CHRNA4: variants seen among roughly 807,000 people sequenced by gnomAD.
CHRNA4 encodes the protein neuronal acetylcholine receptor subunit alpha-4.
A neutral mutation model predicts 48.9 loss-of-function variants in CHRNA4; 28 were observed. The ratio of observed to expected loss-of-function variants is 0.57; its 90% CI spans 0.42 to 0.79. The LOEUF is 0.79. Among genes scored for constraint, CHRNA4 ranks in the 30% least tolerant of loss-of-function variants. CHRNA4 has a pLI of 0.00. For synonymous variants in CHRNA4, 425 were observed against 402.3 expected (o/e 1.06, Z -0.68); for missense variants, 859 against 898.4 (o/e 0.96, Z 0.56).
At chr20:63,348,920 C>T (rs973194125) in intron 5 of CHRNA4, among the ~76,000 whole-genome samples, 1 of 152,230 alleles carries the variant, frequency 6.6e-6, no homozygotes, top group Admixed American at 6.5e-5. Context: ...ACTGCACAGC[C>T]ACGGGTAACA....
chr20:63,347,040 G>A (rs569285028), intron 5 of CHRNA4, 177 bp from the exon 6 acceptor site: 30 of 855,204 alleles, frequency 3.5e-5, no homozygotes, highest in African/African-American at 1.8e-4. Context: ...TGGGGTGCAC[G>A]GGACAGCCAG....
intron 2 of CHRNA4, among the ~76,000 whole-genome samples, chr20:63,358,958 G>A (rs1220006354): frequency 6.6e-6 from 1 of 152,206 alleles, no homozygotes; most frequent in Admixed American, 6.5e-5. Context: ...CTGCCTTGGG[G>A]CTCCATGTGC....
Position 63,345,218 on chromosome 20 carries a change from A to C in CHRNA4, c.*1520T>G, listed in dbSNP as rs2068472348. ...GGAGAGCTCGGCTCGGGGACAGAGG[A>C]ATGAGACTCAGTGGGACGCAGAGCC... On this transcript the variant is annotated 3_prime_UTR_variant, in exon 6 of 6. Coordinates refer to ENST00000370263, the MANE Select transcript of CHRNA4 (RefSeq NM_000744.7). This position sits in a 1 kb window ranked among gnomAD's most constrained non-coding sequence, Gnocchi z 5.4. 4.5e-6 allele frequency: 2 copies of C among 445,928 alleles called. No homozygotes were observed. The highest frequency in any genetic ancestry group is 2.0e-5 in the African/African-American group (1 of 49,822). The allele number at this position is 445,928 out of a possible 1,614,324, so 27.6% of individuals were successfully genotyped here.
In CHRNA4 at chr20:63,343,670, A is replaced by G. The variant is rs1221021135; in HGVS notation, c.*3068T>C. ...GCACCCAGGCCGGTCCGGAGGCAGA[A>G]GGGGCTGGGAAGCCCTGGCCAGGGC... On this transcript the variant is annotated 3_prime_UTR_variant, in exon 6 of 6. Transcript: ENST00000370263. The G allele has an allele frequency of 2.2e-6, 1 of 447,286 alleles. No individual in the cohort carries two copies. The highest frequency in any genetic ancestry group is 4.5e-6 in the Non-Finnish European group (1 of 222,282). The allele number at this position is 447,286 out of a possible 1,614,324, so 27.7% of individuals were successfully genotyped here.
chr20:63,350,041 G>T lies in CHRNA4; in HGVS notation c.1370C>A (p.Ala457Glu). ...GGACCTGGCTTTGGCCAGCCCTGGT[G>T]CCTGGGTGCCGTGGGGCGGGCGGCA... The part of the protein sequence containing the change: ...GPCRPPHGTQ[A>E]PGLAKARSLS... Residue 457 changes from alanine to glutamate, a missense_variant, in exon 5 of 6, where the codon GCA becomes GAA. Coordinates refer to ENST00000370263, the MANE Select transcript of CHRNA4 (RefSeq NM_000744.7). 1 of 1,516,008 alleles carries T rather than the reference G, an allele frequency of 6.6e-7. No individual in the cohort carries two copies. Among genetic ancestry groups the T allele is most frequent in the East Asian group, 2.4e-5 (1 of 42,434 alleles). 93.9% of individuals were successfully genotyped at this position (1,516,008 alleles called of 1,614,324 possible).
chr20:63,358,525 T>C (rs940766560), intron 2 of CHRNA4, among the ~76,000 whole-genome samples: 1 of 152,218 alleles, frequency 6.6e-6, no homozygotes, highest in African/African-American at 2.4e-5. Context: ...CCTCCCCATG[T>C]GGGGGTGCCC....
chr20:63,354,618 T>A, intron 4 of CHRNA4: 1 of 288,168 alleles, frequency 3.5e-6, no homozygotes, highest in South Asian at 1.6e-4. Context: ...GGGGCTGTGG[T>A]CCTGGGGGTT....
At chr20:63,355,724 G>A (rs2068706731) in intron 4 of CHRNA4, 2 of 817,118 alleles carry the variant, frequency 2.4e-6, no homozygotes, top group African/African-American at 1.7e-5. Context: ...TGACGCTCCA[G>A]TGCTGAGACC....
rs2068448212 is a variant in CHRNA4 at position 63,344,237 on chromosome 20, TC to T, written c.*2500del. 1 of 453,796 alleles carries T rather than the reference TC, an allele frequency of 2.2e-6. No homozygotes were observed. Among genetic ancestry groups the T allele is most frequent in the African/African-American group, 2.0e-5 (1 of 49,926 alleles). The allele number at this position is 453,796 out of a possible 1,614,324, so 28.1% of individuals were successfully genotyped here. ...AAGGCTCCAACTGCAGGATTCTGAC[TC>T]CTCGAAGGTCGTGAGCCGGAGAGGT... On this transcript the variant is annotated 3_prime_UTR_variant, in exon 6 of 6. Coordinates refer to ENST00000370263, the MANE Select transcript of CHRNA4 (RefSeq NM_000744.7). The surrounding 1 kb of genome is among the most constrained non-coding windows in gnomAD (Gnocchi z 4.5).
At chr20:63,359,882 T>TGC (rs752283616) in intron 1 of CHRNA4, 183 bp from the exon 2 acceptor site, 57 of 446,710 alleles carry the variant, frequency 1.3e-4, no homozygotes, top group Non-Finnish European at 1.8e-4. Context: ...TGTGTGTGTG[T>TGC]GTGCCGGGCG....
intron 4 of CHRNA4, among the ~76,000 whole-genome samples, chr20:63,352,790 G>GC (rs979580643): frequency 2.6e-5 from 4 of 151,996 alleles, no homozygotes; most frequent in African/African-American, 9.7e-5. Context: ...AGGGTCCTCT[G>GC]CCCGCGCCAC....
rs1324240709 is a variant in CHRNA4 at position 63,343,333 on chromosome 20, G to C, written c.*3405C>G. The stretch of plus-strand genomic sequence containing the variant: ...GGGCGGCCGCACCTGGGCTCGGCGG[G>C]CCACACGGTCGGCGGGGCTTGGTCC... On this transcript the variant is annotated 3_prime_UTR_variant, in exon 6 of 6. Coordinates refer to ENST00000370263, the MANE Select transcript of CHRNA4 (RefSeq NM_000744.7). 8.9e-6 allele frequency: 4 copies of C among 450,824 alleles called. No individual in the cohort carries two copies. The highest frequency in any genetic ancestry group is 1.8e-5 in the Non-Finnish European group (4 of 224,254). 27.9% of individuals were successfully genotyped at this position (450,824 alleles called of 1,614,324 possible).
rs55786941 is a variant in CHRNA4, at chr20:63,351,162, T to C, written c.384-135A>G. ...GCCCACATCCACGTCCACGCCCACA[T>C]CCACGTCCACGCCCACATCCATGTC... is the stretch of plus-strand genomic sequence containing the variant. On this transcript the variant is annotated intron_variant, in intron 4 of 5. Coordinates refer to ENST00000370263, the MANE Select transcript of CHRNA4 (RefSeq NM_000744.7). The C allele has an allele frequency of 2.2e-3, 1,019 of 464,998 alleles. 32 individuals carry two copies. The highest frequency in any genetic ancestry group is 3.2e-3 in the South Asian group (145 of 44,866). The allele number at this position is 464,998 out of a possible 1,614,324, so 28.8% of individuals were successfully genotyped here.
chr20:63,354,586 TG>T (rs1175051247), intron 4 of CHRNA4: 128 of 380,950 alleles, frequency 3.4e-4, no homozygotes, highest in Middle Eastern at 1.4e-3. Context: ...GCTGTGGAAG[TG>T]GGGGGGGCTG....
intron 4 of CHRNA4, chr20:63,354,427 A>C (rs991751474): frequency 1.5e-5 from 2 of 132,740 alleles, no homozygotes; most frequent in Non-Finnish European, 3.0e-5. Context: ...GGGTGGGATG[A>C]AGTCCTGGGA....
At chr20:63,348,726 C>T (rs1271581654) in intron 5 of CHRNA4, among the ~76,000 whole-genome samples, 2 of 152,210 alleles carry the variant, frequency 1.3e-5, no homozygotes, top group Non-Finnish European at 2.9e-5. Flanking sequence ...GAGGCCGAGA[C>T]CCCCGGCCAC....
At position 63,345,500 on chromosome 20, in the gene CHRNA4, C is replaced by A. The variant is rs1312387958; in HGVS notation, c.*1238G>T. ...CATCTTTAGGGGGTGCACTGCCGGG[C>A]TCCAGGGTCATGCCTGGAAACATTT... On this transcript the variant is annotated 3_prime_UTR_variant, in exon 6 of 6. Coordinates refer to ENST00000370263, the MANE Select transcript of CHRNA4 (RefSeq NM_000744.7). The surrounding 1 kb of genome is among the most constrained non-coding windows in gnomAD (Gnocchi z 5.4). 5.0e-6 allele frequency: 2 copies of A among 397,620 alleles called. No individual in the cohort carries two copies. The highest frequency in any genetic ancestry group is 1.0e-5 in the Non-Finnish European group (2 of 193,420). The allele number at this position is 397,620 out of a possible 1,614,324, so 24.6% of individuals were successfully genotyped here. A position where few individuals can be genotyped will look rare whatever the true frequency, so the allele number is the denominator to read the frequency against.
rs1568811802 is a variant in CHRNA4 at position 63,351,205 on chromosome 20, C to CGCCCACAGCCACACCCACGT, written c.384-179_384-178insACGTGGGTGTGGCTGTGGGC. The CGCCCACAGCCACACCCACGT allele has an allele frequency of 8.4e-6, 4 of 478,156 alleles. No homozygotes were observed. The African/African-American group carries it at 1.0e-4, about 12-fold the overall frequency. 29.6% of individuals were successfully genotyped at this position (478,156 alleles called of 1,614,324 possible). A position where few individuals can be genotyped will look rare whatever the true frequency, so the allele number is the denominator to read the frequency against. On this transcript the variant is annotated intron_variant, in intron 4 of 5. Coordinates refer to ENST00000370263, the MANE Select transcript of CHRNA4 (RefSeq NM_000744.7). ...TCCATGTCCCACGCCCACATCCACA[C>CGCCCACAGCCACACCCACGT]CCACGTCCACGTCCACGCCCACATC...
At chr20:63,357,054 G>T (rs1330801317) in intron 2 of CHRNA4, among the ~76,000 whole-genome samples, 1 of 124,006 alleles carries the variant, frequency 8.1e-6, no homozygotes. Context: ...ACAACCCACA[G>T]GACCACATCT....
Sources: allele counts gnomAD v4.1 joint callset (sites outside exome capture counted in the v4.1 genomes callset), GRCh38; gene constraint gnomAD v4.1.1; non-coding constraint Gnocchi (gnomAD v3.1); transcripts MANE v1.5; gene names NCBI Gene and HGNC (gene_info 2026-07-23, HGNC 2026-07-21).